SLC36A1: variants seen among roughly 807,000 people sequenced by gnomAD.
SLC36A1 encodes proton-coupled amino acid transporter 1.
In SLC36A1, 30 loss-of-function variants were observed where a neutral mutation model predicts 47.5. The observed-to-expected ratio is 0.63, with a 90% confidence interval of 0.47 to 0.86. SLC36A1 has a LOEUF of 0.86. Among genes scored for constraint, SLC36A1 ranks in the 40% least tolerant of loss-of-function variants. The pLI, the probability that SLC36A1 is intolerant of heterozygous loss-of-function variation, is 0.00. For missense variants in SLC36A1, 517 were observed against 606.0 expected, an observed-to-expected ratio of 0.85 and a Z score of 1.54; for synonymous variants, 255 against 249.7, an observed-to-expected ratio of 1.02 and a Z score of -0.20.
the SLC36A1 span, chr5:151,510,096 C>A: frequency 6.2e-7 from 1 of 1,614,202 alleles, no homozygotes; most frequent in Admixed American, 1.7e-5. Context: ...ACCTTCCAGG[C>A]AGGGTGCAAA....
At chr5:151,550,523 C>A in the SLC36A1 span, 1 of 1,545,864 alleles carries the variant, frequency 6.5e-7, no homozygotes, top group South Asian at 1.2e-5. Context: ...CAGCATGTCT[C>A]CAAGCATGTC....
the SLC36A1 span, among the ~76,000 whole-genome samples, chr5:151,417,855 G>T: frequency 6.6e-6 from 1 of 152,222 alleles, no homozygotes; most frequent in East Asian, 1.9e-4. Flanking sequence ...CATCTCCAGG[G>T]CATGTCAGAT....
chr5:151,413,101 G>A, the SLC36A1 span, among the ~76,000 whole-genome samples: 1 of 150,346 alleles, frequency 6.7e-6, no homozygotes, highest in Non-Finnish European at 1.5e-5. Flanking sequence ...ATTTGTTCAC[G>A]GCTGTATTAC....
the SLC36A1 span, among the ~76,000 whole-genome samples, chr5:151,348,062 G>A: frequency 1.3e-5 from 2 of 152,174 alleles, no homozygotes; most frequent in African/African-American, 4.8e-5. Context: ...ACAGTCTGCT[G>A]TAAGACATCC....
chr5:151,529,369 G>A, the SLC36A1 span: 3 of 1,613,902 alleles, frequency 1.9e-6, no homozygotes, highest in Non-Finnish European at 2.5e-6. Flanking sequence ...TCAAAGTCCA[G>A]GCTTGCGTTG....
At chr5:151,526,374 C>A in the SLC36A1 span, among the ~76,000 whole-genome samples, 1 of 152,168 alleles carries the variant, frequency 6.6e-6, no homozygotes, top group Non-Finnish European at 1.5e-5. Flanking sequence ...ATGATTTCTT[C>A]CTTAGAGGAC....
At chr5:151,525,325 A>G in the SLC36A1 span, among the ~76,000 whole-genome samples, 1 of 152,162 alleles carries the variant, frequency 6.6e-6, no homozygotes, top group Non-Finnish European at 1.5e-5. Context: ...TGTGCATACA[A>G]TATCTCACTT....
At position 151,460,109 on chromosome 5, in the gene SLC36A1, C is replaced by G. The variant is rs555092073; in HGVS notation, c.143+1174C>G. Among the ~76,000 whole-genome samples the G allele has an allele frequency of 3.5e-4, 54 of 152,136 alleles. 1 individual carries two copies. The highest frequency in any genetic ancestry group is 6.5e-4 in the Non-Finnish European group (44 of 67,980). ...CACAGCTGGCAGCAGTGTGGATCACCCTGCCCCTCTTTCCTCCAACCTTAT... is the reference window on the plus strand; with the variant it reads ...CACAGCTGGCAGCAGTGTGGATCACGCTGCCCCTCTTTCCTCCAACCTTAT... On this transcript the variant is annotated intron_variant, in intron 2 of 10. Coordinates refer to ENST00000243389, the MANE Select transcript of SLC36A1 (RefSeq NM_078483.4).
At chr5:151,443,670 T>C (rs923855483), upstream of SLC36A1, among the ~76,000 whole-genome samples, 4 of 152,232 alleles carry the variant, frequency 2.6e-5, no homozygotes, top group African/African-American at 7.2e-5. Context: ...CTTAGTTTGA[T>C]ATAGTCCTAT....
intron 1 of SLC36A1, among the ~76,000 whole-genome samples, chr5:151,439,674 A>G (rs1319014676): frequency 1.4e-5 from 2 of 147,854 alleles, no homozygotes; most frequent in African/African-American, 2.4e-5. Flanking sequence ...AAAAGAAAAA[A>G]AAAAAAGAAA....
At chr5:151,514,599 T>C in the SLC36A1 span, among the ~76,000 whole-genome samples, 15 of 152,262 alleles carry the variant, frequency 9.9e-5, no homozygotes, top group Non-Finnish European at 1.6e-4. Flanking sequence ...GAGCCTTTAA[T>C]GCTGCCCAGC....
chr5:151,545,897 C>G, the SLC36A1 span: 143 of 1,614,076 alleles, frequency 8.9e-5, no homozygotes, highest in South Asian at 2.2e-5. Flanking sequence ...TCAACCACCA[C>G]CATGACATCA....
At chr5:151,417,736 A>G in the SLC36A1 span, among the ~76,000 whole-genome samples, 1 of 152,242 alleles carries the variant, frequency 6.6e-6, no homozygotes, top group Non-Finnish European at 1.5e-5. Flanking sequence ...CAACATGACA[A>G]TGCAATAGAA....
At chr5:151,545,910 A>T in the SLC36A1 span, 1 of 1,614,218 alleles carries the variant, frequency 6.2e-7, no homozygotes, top group East Asian at 2.2e-5. Context: ...TGACATCAGT[A>T]AATGCACCTG....
At chr5:151,363,065 ATTTG>A in the SLC36A1 span, among the ~76,000 whole-genome samples, 1 of 113,168 alleles carries the variant, frequency 8.8e-6, no homozygotes, top group African/African-American at 2.8e-5. Flanking sequence ...TTTAGTTTTT[ATTTG>A]TTATGTTTGC....
chr5:151,350,642 A>G, the SLC36A1 span, among the ~76,000 whole-genome samples: 1 of 151,796 alleles, frequency 6.6e-6, no homozygotes, highest in Non-Finnish European at 1.5e-5. Context: ...ATTAAAAAAA[A>G]GAGAATATTT....
At chr5:151,527,432 GC>G in the SLC36A1 span, 1 of 1,490,476 alleles carries the variant, frequency 6.7e-7, no homozygotes, top group Non-Finnish European at 9.0e-7. Flanking sequence ...CCTCACTTCT[GC>G]CCCCTGAGTC....
the SLC36A1 span, chr5:151,553,297 G>T: frequency 6.2e-7 from 1 of 1,614,270 alleles, no homozygotes; most frequent in South Asian, 1.1e-5. Flanking sequence ...AAGGCCAGAG[G>T]GATGGAGGAC....
the SLC36A1 span, among the ~76,000 whole-genome samples, chr5:151,536,936 T>C: frequency 3.9e-5 from 6 of 152,166 alleles, no homozygotes; most frequent in African/African-American, 1.4e-4. Context: ...AGGTCCTCAG[T>C]GTGTGTACTA....
Sources: gnomAD v4.1 joint callset for allele counts (sites outside exome capture counted in the v4.1 genomes callset) on GRCh38, gnomAD v4.1.1 for gene constraint, MANE v1.5 for transcripts, NCBI Gene and HGNC (gene_info 2026-07-23, HGNC 2026-07-21) for gene names.